MYO5A: variants seen among roughly 807,000 people sequenced by gnomAD.
MYO5A encodes unconventional myosin-Va.
MYO5A carries 98 observed loss-of-function variants against 249.7 expected under a neutral mutation model. That is an observed-to-expected ratio of 0.39 (90% confidence interval 0.33 to 0.46). The LOEUF is 0.46. MYO5A is among the 20% of genes least tolerant of loss of function. The probability of loss-of-function intolerance (pLI) is 0.98; values close to 1 mark genes in which losing one functional copy is unlikely to be tolerated. For missense variants in MYO5A, 1,696 were observed against 2,308.8 expected, an observed-to-expected ratio of 0.73 and a Z score of 5.44; for synonymous variants, 778 against 810.6, an observed-to-expected ratio of 0.96 and a Z score of 0.68.
At chr15:52,467,424 A>G (rs951314917) in intron 1 of MYO5A, among the ~76,000 whole-genome samples, 12 of 152,236 alleles carry the variant, frequency 7.9e-5, no homozygotes, top group African/African-American at 2.9e-4. Context: ...ACTAAGCAGA[A>G]AAAAAGAATC....
At chr15:52,463,497 C>A (rs1595730820) in intron 1 of MYO5A, among the ~76,000 whole-genome samples, 1 of 151,706 alleles carries the variant, frequency 6.6e-6, no homozygotes, top group Non-Finnish European at 1.5e-5. Context: ...TTTCATTTTC[C>A]CTGTACTCAT....
chr15:52,328,092 G>T, intron 35 of MYO5A, 86 bp from the exon 36 acceptor site: 4 of 1,116,986 alleles, frequency 3.6e-6, no homozygotes, highest in Non-Finnish European at 4.0e-6. Flanking sequence ...CAGTTGTCAT[G>T]TAAGAGTTCA....
At position 52,376,555 on chromosome 15, in the gene MYO5A, T is replaced by C. The variant is rs1362238316; in HGVS notation, c.2212A>G (p.Lys738Glu). 6.2e-7 allele frequency: 1 copy of C among 1,613,870 alleles called. No homozygotes were observed. Among genetic ancestry groups the C allele is most frequent in the East Asian group, 2.2e-5 (1 of 44,860 alleles). ...KNVLEKLILD[K>E]DKYQFGKTKI... ...GTCTTACCAAACTGGTATTTGTCCT[T>C]GTCCTATTTTTGGAAGAAATTGTAT... Residue 738 changes from lysine (K) to glutamate (E), a missense_variant, in exon 19 of 42, where the codon AAG (lysine) becomes GAG (glutamate). Physicochemically the swap from Lys to Glu is moderately conservative, Grantham distance 56 (BLOSUM62 1). Coordinates refer to ENST00000399233, the MANE Select transcript of MYO5A (RefSeq NM_001382347.1).
At chr15:52,368,237 T>C (rs2040911632) in intron 22 of MYO5A, among the ~76,000 whole-genome samples, 1 of 152,152 alleles carries the variant, frequency 6.6e-6, no homozygotes, top group Non-Finnish European at 1.5e-5. Context: ...ATCAGTCCAG[T>C]AGGTATCCCT....
At chr15:52,336,787 G>C (rs4294764) in intron 33 of MYO5A, among the ~76,000 whole-genome samples, 5,596 of 152,310 alleles carry the variant, frequency 0.037, 347 homozygotes, top group African/African-American at 0.13. Flanking sequence ...ATGGACAGCA[G>C]GCTCACTGCA....
At chr15:52,373,670 G>A (rs940632480) in intron 20 of MYO5A, among the ~76,000 whole-genome samples, 2 of 152,114 alleles carry the variant, frequency 1.3e-5, no homozygotes, top group African/African-American at 2.4e-5. Context: ...TGAGCTGGCC[G>A]GAGGCTGCCA....
intron 3 of MYO5A, among the ~76,000 whole-genome samples, chr15:52,426,721 A>G (rs2075403590): frequency 6.6e-6 from 1 of 152,218 alleles, no homozygotes; most frequent in Non-Finnish European, 1.5e-5. Flanking sequence ...CAGCCTCCCA[A>G]GGTGCTGGGA....
intron 16 of MYO5A, 85 bp downstream of exon 16, chr15:52,383,004 ATG>A: frequency 4.3e-6 from 5 of 1,168,378 alleles, no homozygotes; most frequent in Middle Eastern, 3.8e-4. Context: ...CCTTATAAAA[ATG>A]TAAGGAAAAT....
At chr15:52,521,663 C>T (rs1339133639) in intron 1 of MYO5A, among the ~76,000 whole-genome samples, 1 of 152,118 alleles carries the variant, frequency 6.6e-6, no homozygotes, top group Non-Finnish European at 1.5e-5. Context: ...TTACATCATC[C>T]CTAAGTTCTA....
intron 1 of MYO5A, among the ~76,000 whole-genome samples, chr15:52,479,121 G>A (rs148935741): frequency 6.6e-6 from 1 of 151,970 alleles, no homozygotes; most frequent in Non-Finnish European, 1.5e-5. Flanking sequence ...TCAGCCTCCT[G>A]AGTAGCTGGA....
chr15:52,412,056 A>G (rs2043273923), intron 5 of MYO5A, among the ~76,000 whole-genome samples: 1 of 152,242 alleles, frequency 6.6e-6, no homozygotes, highest in Non-Finnish European at 1.5e-5. Flanking sequence ...AAAGCAGATT[A>G]ATTATAAATG....
At chr15:52,350,809 T>C (rs1470318446) in intron 28 of MYO5A, among the ~76,000 whole-genome samples, 3 of 152,316 alleles carry the variant, frequency 2.0e-5, no homozygotes, top group Non-Finnish European at 4.4e-5. Flanking sequence ...GCAGAAATCA[T>C]CTCCATGTAA....
chr15:52,485,857 G>A (rs1038041342), intron 1 of MYO5A, among the ~76,000 whole-genome samples: 2 of 152,144 alleles, frequency 1.3e-5, no homozygotes, highest in African/African-American at 4.8e-5. Context: ...GTATTTGTCA[G>A]TTCAAAATGT....
At chr15:52,479,251 T>C (rs528804646) in intron 1 of MYO5A, among the ~76,000 whole-genome samples, 2 of 152,274 alleles carry the variant, frequency 1.3e-5, no homozygotes, top group East Asian at 3.9e-4. Context: ...GTGCTGGTAT[T>C]ACAGGAGTGA....
intron 21 of MYO5A, 134 bp downstream of exon 21, chr15:52,371,990 T>C (rs561768658): frequency 5.3e-6 from 7 of 1,311,576 alleles, no homozygotes; most frequent in Admixed American, 3.5e-5. Flanking sequence ...ATGCCCATTA[T>C]GGAAATAAAT....
chr15:52,504,034 T>A (rs908548910), intron 1 of MYO5A, among the ~76,000 whole-genome samples: 1 of 143,524 alleles, frequency 7.0e-6, no homozygotes, highest in Non-Finnish European at 1.5e-5. Flanking sequence ...CTTCAAAGGC[T>A]GTTGCTGCTG....
At chr15:52,397,704 T>C (rs116541720) in intron 9 of MYO5A, among the ~76,000 whole-genome samples, 186 of 152,334 alleles carry the variant, frequency 1.2e-3, no homozygotes, top group African/African-American at 4.4e-3. Context: ...CCTTTGACTC[T>C]TCATAGTATT....
chr15:52,392,448 C>T (rs898278165), intron 11 of MYO5A, among the ~76,000 whole-genome samples: 1 of 152,204 alleles, frequency 6.6e-6, no homozygotes, highest in Non-Finnish European at 1.5e-5. Flanking sequence ...TATGTTGATG[C>T]CCTCCAGGCT....
intron 5 of MYO5A, 38 bp downstream of exon 5, chr15:52,416,107 G>A: frequency 6.2e-7 from 1 of 1,611,258 alleles, no homozygotes; most frequent in Non-Finnish European, 8.5e-7. Flanking sequence ...TTCTTATCAA[G>A]AGAATATAGG....
Sources: gnomAD v4.1 joint callset for allele counts (sites outside exome capture counted in the v4.1 genomes callset) on GRCh38, gnomAD v4.1.1 for gene constraint, MANE v1.5 for transcripts, NCBI Gene and HGNC (gene_info 2026-07-23, HGNC 2026-07-21) for gene names.